The following KHDC1 variants were observed in gnomAD, a reference collection of about 807,000 sequenced individuals.
KHDC1 encodes KH domain containing 1.
In KHDC1, 21 loss-of-function variants were observed where a neutral mutation model predicts 24.7. The observed-to-expected ratio is 0.85, with a 90% CI of 0.60 to 1.23. KHDC1 has a LOEUF of 1.23. Ranked by LOEUF, KHDC1 falls within the 50% of genes most tolerant of loss-of-function variation. The pLI, the probability that KHDC1 is intolerant of heterozygous loss-of-function variation, is 0.00. For missense variants in KHDC1, 274 were observed against 298.5 expected, an observed-to-expected ratio of 0.92 and a Z score of 0.61; for synonymous variants, 98 against 111.7, an observed-to-expected ratio of 0.88 and a Z score of 0.77.
exon 3 of KHDC1, chr6:73,242,441 A>G: frequency 6.2e-7 from 1 of 1,614,164 alleles, no homozygotes. Flanking sequence ...TTCCATGTGA[A>G]ACACCATTGG....
At chr6:73,294,287 T>C (rs1295453998) in intron 1 of KHDC1, among the ~76,000 whole-genome samples, 1 of 152,136 alleles carries the variant, frequency 6.6e-6, no homozygotes, top group Non-Finnish European at 1.5e-5. Context: ...TGCCATAAGA[T>C]AGAAATTTTT....
intron 1 of KHDC1, among the ~76,000 whole-genome samples, chr6:73,303,597 A>C (rs942053984): frequency 3.3e-5 from 5 of 152,238 alleles, no homozygotes; most frequent in Non-Finnish European, 7.3e-5. Flanking sequence ...AGAAGGGCAC[A>C]TGATCACATC....
intron 2 of KHDC1, among the ~76,000 whole-genome samples, chr6:73,257,110 T>C (rs975073861): frequency 3.9e-5 from 6 of 152,186 alleles, no homozygotes; most frequent in Admixed American, 3.3e-4. Context: ...CTAGGCAACA[T>C]GGCAAAACCC....
At chr6:73,285,585 C>T (rs1248559413) in intron 2 of KHDC1, among the ~76,000 whole-genome samples, 1 of 151,950 alleles carries the variant, frequency 6.6e-6, no homozygotes, top group Non-Finnish European at 1.5e-5. Flanking sequence ...CTGCCTGCCT[C>T]GGCCTCCCGA....
At chr6:73,246,625 G>T (rs1462126541) in intron 2 of KHDC1, among the ~76,000 whole-genome samples, 1 of 152,044 alleles carries the variant, frequency 6.6e-6, no homozygotes, top group East Asian at 1.9e-4. Context: ...TGTAATCGAG[G>T]TCTTAACAGT....
chr6:73,307,768 G>A (rs1211669862), intron 1 of KHDC1, among the ~76,000 whole-genome samples: 1 of 152,162 alleles, frequency 6.6e-6, no homozygotes, highest in Admixed American at 6.5e-5. Flanking sequence ...TTGTGGAGAT[G>A]ACCCTAGAGC....
intron 2 of KHDC1, among the ~76,000 whole-genome samples, chr6:73,245,958 A>G (rs1459812665): frequency 1.3e-5 from 2 of 152,236 alleles, no homozygotes; most frequent in African/African-American, 4.8e-5. Flanking sequence ...CTTGTTTAGC[A>G]TAGTGGTAAA....
chr6:73,255,017 A>G (rs1284639427), intron 2 of KHDC1, among the ~76,000 whole-genome samples: 7 of 151,922 alleles, frequency 4.6e-5, no homozygotes, highest in Admixed American at 4.6e-4. Context: ...AGAAAAAAAA[A>G]AAAGAAACAG....
intron 2 of KHDC1, among the ~76,000 whole-genome samples, chr6:73,266,749 AGAT>A (rs1435232262): frequency 6.6e-6 from 1 of 152,270 alleles, no homozygotes; most frequent in African/African-American, 2.4e-5. Context: ...ACAACAAAAA[AGAT>A]GAATTGGATT....
chr6:73,255,898 T>C (rs1766872362), intron 2 of KHDC1, among the ~76,000 whole-genome samples: 1 of 131,944 alleles, frequency 7.6e-6, no homozygotes, highest in Non-Finnish European at 1.6e-5. Flanking sequence ...TGAGAACCTG[T>C]CTCAACAAAA....
intron 1 of KHDC1, among the ~76,000 whole-genome samples, chr6:73,304,071 C>T (rs182644469): frequency 1.2e-4 from 18 of 151,792 alleles, no homozygotes; most frequent in South Asian, 4.2e-4. Flanking sequence ...CCCAGCTGCT[C>T]GGGAGGCTGA....
intron 2 of KHDC1, among the ~76,000 whole-genome samples, chr6:73,246,087 C>T (rs921755676): frequency 6.6e-6 from 1 of 152,126 alleles, no homozygotes; most frequent in African/African-American, 2.4e-5. Flanking sequence ...CCATTTTTAA[C>T]AAGACTTTCA....
chr6:73,272,591 A>G (rs1302782955), intron 2 of KHDC1, among the ~76,000 whole-genome samples: 2 of 151,798 alleles, frequency 1.3e-5, no homozygotes, highest in African/African-American at 2.4e-5. Context: ...CCTAGCCAAC[A>G]TGGTAAGACC....
intron 1 of KHDC1, among the ~76,000 whole-genome samples, chr6:73,294,205 T>G (rs984749579): frequency 7.9e-5 from 12 of 152,274 alleles, no homozygotes; most frequent in African/African-American, 2.9e-4. Context: ...TCTAAAACTT[T>G]AAATTTCACA....
chr6:73,298,106 C>G (rs1032577571), intron 1 of KHDC1, among the ~76,000 whole-genome samples: 7 of 152,080 alleles, frequency 4.6e-5, no homozygotes, highest in African/African-American at 1.4e-4. Flanking sequence ...CAGAAGAATC[C>G]TTGAACCTGG....
intron 2 of KHDC1, among the ~76,000 whole-genome samples, chr6:73,261,473 A>G (rs1766978213): frequency 6.6e-6 from 1 of 151,808 alleles, no homozygotes; most frequent in Admixed American, 6.6e-5. Flanking sequence ...TTAAAAAAAT[A>G]AGCATAGACT....
chr6:73,242,254 T>C lies in KHDC1; in HGVS notation c.332-17A>G, dbSNP rs111448243. The stretch of plus-strand genomic sequence containing the variant: ...CACCATGCCCTGTGAGCATAAGAGG[T>C]GAGAGGAGGTTCTGTCAAGCACCAG... On this transcript the variant is annotated splice_polypyrimidine_tract_variant and intron_variant, in intron 3 of 4. Transcript: ENST00000370384. 2,382 of 1,609,356 alleles carry C rather than the reference T, an allele frequency of 1.5e-3. 3 individuals carry two copies. The highest frequency in any genetic ancestry group is 1.8e-3 in the Non-Finnish European group (2,122 of 1,177,810).
At chr6:73,300,644 G>T (rs1767856666) in intron 1 of KHDC1, 1 of 152,108 alleles carries the variant, frequency 6.6e-6, no homozygotes, top group Non-Finnish European at 1.5e-5. Context: ...TTTGTTGAAT[G>T]AAAGACTAGA....
intron 1 of KHDC1, among the ~76,000 whole-genome samples, chr6:73,306,448 G>A (rs1375921654): frequency 2.0e-5 from 3 of 152,022 alleles, no homozygotes; most frequent in African/African-American, 2.4e-5. Context: ...TACTAAAAAC[G>A]TCCACTAAAC....
Sources: allele counts gnomAD v4.1 joint callset (sites outside exome capture counted in the v4.1 genomes callset), GRCh38; gene constraint gnomAD v4.1.1; transcripts MANE v1.5; gene names NCBI Gene and HGNC (gene_info 2026-07-23, HGNC 2026-07-21).